NELL1: variants seen among roughly 807,000 people sequenced by gnomAD.
NELL1 encodes the protein protein kinase C-binding protein NELL1.
NELL1 carries 76 observed loss-of-function variants against 107.4 expected under a neutral mutation model. The ratio of observed to expected loss-of-function variants is 0.71; its 90% confidence interval spans 0.59 to 0.86. The LOEUF (loss-of-function observed/expected upper bound fraction) is 0.86. Ranked by LOEUF, NELL1 falls within the 40% of genes least tolerant of loss-of-function variation. NELL1 has a pLI of 0.00. For synonymous variants in NELL1, 353 were observed against 341.2 expected, an observed-to-expected ratio of 1.03 and a Z score of -0.38; for missense variants, 1,024 against 1,005.5, an observed-to-expected ratio of 1.02 and a Z score of -0.25.
At chr11:21,312,251 T>C (rs1849765276) in intron 14 of NELL1, among the ~76,000 whole-genome samples, 1 of 152,100 alleles carries the variant, frequency 6.6e-6, no homozygotes, top group Non-Finnish European at 1.5e-5. Context: ...AGAGCGTGGG[T>C]ATGAATCCAG....
Position 20,787,007 on chromosome 11 carries a change from CAAAAAAAAAAAAAA to C in NELL1, c.335+3188_335+3201del, listed in dbSNP as rs71443763. 3.0e-4 allele frequency among the ~76,000 whole-genome samples: 18 copies of C among 60,854 alleles called. 1 individual carries two copies. In the South Asian group the frequency reaches 0.015, roughly 50 times the overall value. The allele number at this position is 60,854 out of a possible 152,430, so 39.9% of individuals were successfully genotyped here. ...TAGGCGAAAGAGCGAGACTCCGTCTCAAAAAAAAAAAAAAAAAAAAAAAAGGAAGGAAGGAAAGT... is the reference window on the plus strand; with the variant it reads ...TAGGCGAAAGAGCGAGACTCCGTCTCAAAAAAAAAAGGAAGGAAGGAAAGT... On this transcript the variant is annotated intron_variant, in intron 3 of 19. Coordinates refer to ENST00000357134, the MANE Select transcript of NELL1 (RefSeq NM_006157.5).
chr11:21,070,936 A>G (rs562830956), intron 12 of NELL1, among the ~76,000 whole-genome samples: 1 of 152,226 alleles, frequency 6.6e-6, no homozygotes, highest in East Asian at 1.9e-4. Flanking sequence ...AGCACTACTT[A>G]TCATGCTTAC....
intron 16 of NELL1, among the ~76,000 whole-genome samples, chr11:21,555,503 G>A (rs1246170402): frequency 6.6e-6 from 1 of 151,812 alleles, no homozygotes; most frequent in African/African-American, 2.4e-5. Context: ...AGCCAAAACA[G>A]TGTTATATTT....
intron 14 of NELL1, among the ~76,000 whole-genome samples, chr11:21,237,727 A>G (rs903850268): frequency 6.6e-6 from 1 of 152,096 alleles, no homozygotes; most frequent in African/African-American, 2.4e-5. Flanking sequence ...AGCATTTAAA[A>G]TCATCAATCT....
At chr11:20,991,067 C>G (rs905506736) in intron 12 of NELL1, among the ~76,000 whole-genome samples, 1 of 152,168 alleles carries the variant, frequency 6.6e-6, no homozygotes, top group Non-Finnish European at 1.5e-5. Context: ...GCCTCTGATT[C>G]CTAGGATGGG....
At chr11:20,977,889 C>T (rs1018728372) in intron 12 of NELL1, among the ~76,000 whole-genome samples, 1 of 152,168 alleles carries the variant, frequency 6.6e-6, no homozygotes, top group African/African-American at 2.4e-5. Flanking sequence ...TGCTATTATA[C>T]TCCAGTAAAA....
At chr11:21,184,181 A>G (rs952456247) in intron 13 of NELL1, among the ~76,000 whole-genome samples, 2 of 151,852 alleles carry the variant, frequency 1.3e-5, no homozygotes, top group Non-Finnish European at 2.9e-5. Context: ...GGTTATAATC[A>G]ATATCCCACA....
At chr11:21,509,819 T>C (rs1855388762) in intron 15 of NELL1, among the ~76,000 whole-genome samples, 1 of 152,206 alleles carries the variant, frequency 6.6e-6, no homozygotes, top group Non-Finnish European at 1.5e-5. Context: ...CCTTTACACT[T>C]TTTTGGATTG....
chr11:21,512,795 A>G (rs192802034), intron 15 of NELL1, among the ~76,000 whole-genome samples: 3 of 152,278 alleles, frequency 2.0e-5, no homozygotes, highest in Non-Finnish European at 4.4e-5. Flanking sequence ...TGTGAAAATA[A>G]AAGCTACATG....
intron 12 of NELL1, among the ~76,000 whole-genome samples, chr11:21,091,100 G>T (rs1854509942): frequency 6.6e-6 from 1 of 152,136 alleles, no homozygotes; most frequent in Non-Finnish European, 1.5e-5. Flanking sequence ...ATATGACATA[G>T]ATTTTGCCTC....
Position 20,975,880 on chromosome 11 carries a change from C to CATGTGTATTATATATACATAT in NELL1, c.1300+15335_1300+15355dup, listed in dbSNP as rs1477974609. ...TATATGTGTATTATATATACACATACATGTGTATTATATATACATATATGT... is the reference window on the plus strand; with the variant it reads ...TATATGTGTATTATATATACACATACATGTGTATTATATATACATATATGTGTATTATATATACATATATGT... On this transcript the variant is annotated intron_variant, in intron 12 of 19. Transcript: ENST00000357134. 6.1e-4 allele frequency among the ~76,000 whole-genome samples: 63 copies of CATGTGTATTATATATACATAT among 103,664 alleles called. 1 individual carries two copies. Among genetic ancestry groups the CATGTGTATTATATATACATAT allele is most frequent in the Non-Finnish European group, 1.0e-3 (54 of 51,606 alleles). The allele number at this position is 103,664 out of a possible 152,430, so 68.0% of individuals were successfully genotyped here.
At position 21,466,703 on chromosome 11, in the gene NELL1, C is replaced by T. The variant is rs187927009; in HGVS notation, c.1646-67671C>T. ...GTATAGAATAAAATGTTCTCTGAGG[C>T]TCCAATCAACAGAGTTTGGGTACTA... On this transcript the variant is annotated intron_variant, in intron 15 of 19. Transcript: ENST00000357134. 1.1e-4 allele frequency among the ~76,000 whole-genome samples: 17 copies of T among 152,186 alleles called. No individual in the cohort carries two copies. The East Asian group carries it at 2.9e-3, about 26-fold the overall frequency.
At chr11:21,254,209 G>A (rs1480378693) in intron 14 of NELL1, among the ~76,000 whole-genome samples, 2 of 151,970 alleles carry the variant, frequency 1.3e-5, no homozygotes, top group African/African-American at 2.4e-5. Context: ...CATAGCATTA[G>A]GCAATGAAAA....
intron 13 of NELL1, among the ~76,000 whole-genome samples, chr11:21,184,262 G>GTTTGT (rs747179435): frequency 3.3e-5 from 5 of 151,504 alleles, no homozygotes; most frequent in African/African-American, 7.3e-5. Context: ...TTTGTTTATT[G>GTTTGT]TTTGTTTTGT....
At chr11:21,080,124 A>G (rs113807831) in intron 12 of NELL1, among the ~76,000 whole-genome samples, 2 of 152,180 alleles carry the variant, frequency 1.3e-5, no homozygotes, top group East Asian at 1.9e-4. Flanking sequence ...TATTACCTCA[A>G]TGAATTCCCA....
At chr11:21,026,301 A>G (rs919904682) in intron 12 of NELL1, among the ~76,000 whole-genome samples, 1 of 152,050 alleles carries the variant, frequency 6.6e-6, no homozygotes, top group African/African-American at 2.4e-5. Context: ...GATTCTCCCC[A>G]TGCTTAGCCT....
intron 13 of NELL1, among the ~76,000 whole-genome samples, chr11:21,204,390 C>A (rs561153936): frequency 6.6e-6 from 1 of 151,712 alleles, no homozygotes; most frequent in Non-Finnish European, 1.5e-5. Flanking sequence ...CTTTCTTCTG[C>A]TTGATCTATT....
intron 15 of NELL1, among the ~76,000 whole-genome samples, chr11:21,380,828 G>C (rs1422466980): frequency 6.6e-6 from 1 of 151,968 alleles, no homozygotes; most frequent in Non-Finnish European, 1.5e-5. Flanking sequence ...ATTTGGACGA[G>C]AAAATAAAGA....
chr11:21,323,413 A>C (rs965153619), intron 14 of NELL1, among the ~76,000 whole-genome samples: 6 of 152,190 alleles, frequency 3.9e-5, no homozygotes, highest in Non-Finnish European at 4.4e-5. Flanking sequence ...CCAAATCTAC[A>C]TGAATACTTA....
Sources: gnomAD v4.1 joint callset for allele counts (sites outside exome capture counted in the v4.1 genomes callset) on GRCh38, gnomAD v4.1.1 for gene constraint, MANE v1.5 for transcripts, NCBI Gene and HGNC (gene_info 2026-07-23, HGNC 2026-07-21) for gene names.